The following HAUS5 variants were observed in gnomAD, a reference collection of about 807,000 sequenced individuals.
HAUS5 encodes the protein HAUS augmin-like complex subunit 5.
A neutral mutation model predicts 94.1 loss-of-function variants in HAUS5; 67 were observed. The ratio of observed to expected loss-of-function variants is 0.71; its 90% CI spans 0.58 to 0.87. HAUS5 has a LOEUF of 0.87. Among genes scored for constraint, HAUS5 ranks in the 40% least tolerant of loss-of-function variants. The pLI is 0.00. For missense variants in HAUS5, 739 were observed against 825.6 expected, an observed-to-expected ratio of 0.90 and a Z score of 1.29; for synonymous variants, 339 against 355.4, an observed-to-expected ratio of 0.95 and a Z score of 0.52.
In HAUS5 at chr19:35,612,778, G is replaced by C. The variant is rs1170038196; in HGVS notation, c.-17G>C. Reference sequence around the variant, plus strand: ...TGAAGAGGCTGAGGGAGGCGGTGTCGCCGCCGCGGCGCTGTCATGGAGCTA... The same window carrying C: ...TGAAGAGGCTGAGGGAGGCGGTGTCCCCGCCGCGGCGCTGTCATGGAGCTA... On this transcript the variant is annotated 5_prime_UTR_variant, in exon 1 of 19. Transcript: ENST00000203166. The C allele has an allele frequency of 3.3e-6, 5 of 1,537,144 alleles. No homozygotes were observed. The Admixed American group carries it at 6.1e-5, about 19-fold the overall frequency.
intron 15 of HAUS5, 90 bp from the exon 16 acceptor site, chr19:35,619,922 C>T (rs985489125): frequency 1.4e-5 from 21 of 1,544,736 alleles, no homozygotes; most frequent in Non-Finnish European, 1.7e-5. Flanking sequence ...AGTCCCCAGA[C>T]CCACCTTGAA....
Position 35,619,455 on chromosome 19 carries a change from TCAAGGGAAACTCGGCCAG to T in HAUS5, c.1216_1233del (p.Gly406_Lys411del). 3 of 1,606,962 alleles carry T rather than the reference TCAAGGGAAACTCGGCCAG, an allele frequency of 1.9e-6. No homozygotes were observed. The highest frequency in any genetic ancestry group is 2.6e-6 in the Non-Finnish European group (3 of 1,176,312). ...ACCCAGGAACAGGTCCGCCTGCTCA[TCAAGGGAAACTCGGCCAG>T]CAAGACCCGCCTGTGCCGGAGCCCG... On this transcript the variant is annotated inframe_deletion, in exon 14 of 19. Coordinates refer to ENST00000203166, the MANE Select transcript of HAUS5 (RefSeq NM_015302.2).
intron 13 of HAUS5, 83 bp downstream of exon 13, chr19:35,619,132 G>A (rs1380852469): frequency 1.5e-6 from 2 of 1,366,668 alleles, no homozygotes; most frequent in East Asian, 2.4e-5. Context: ...TGAGCCCTGT[G>A]TGGTAGCACA....
chr19:35,621,023 G>C (rs1163812401), intron 17 of HAUS5, among the ~76,000 whole-genome samples: 1 of 152,226 alleles, frequency 6.6e-6, no homozygotes, highest in African/African-American at 2.4e-5. Context: ...TGTCTACCAG[G>C]TGCCAGCCCA....
At chr19:35,621,154 G>A (rs993347360) in intron 17 of HAUS5, among the ~76,000 whole-genome samples, 4 of 152,114 alleles carry the variant, frequency 2.6e-5, no homozygotes, top group African/African-American at 9.7e-5. Flanking sequence ...GAAATGAACC[G>A]GCAGTGCCAG....
chr19:35,617,610 C>G (rs559230297), intron 8 of HAUS5, among the ~76,000 whole-genome samples: 2 of 152,098 alleles, frequency 1.3e-5, no homozygotes, highest in East Asian at 3.9e-4. Context: ...CCTTTCCCAG[C>G]TAAGAAGGCA....
intron 4 of HAUS5, 117 bp downstream of exon 4, chr19:35,614,176 T>C (rs2146334095): frequency 1.1e-6 from 1 of 904,872 alleles, no homozygotes. Context: ...AAGACAGCCT[T>C]GATCTCCATC....
chr19:35,620,466 A>G (rs1292011279), intron 17 of HAUS5, 139 bp downstream of exon 17: 1 of 735,604 alleles, frequency 1.4e-6, no homozygotes, highest in Non-Finnish European at 2.2e-6. Flanking sequence ...CCCTTGTTTC[A>G]TCTGCACGGC....
rs1599600816 is a variant in HAUS5, at chr19:35,623,028, CTG to C, written c.*37_*38del. On this transcript the variant is annotated 3_prime_UTR_variant, in exon 19 of 19. Coordinates refer to ENST00000203166, the MANE Select transcript of HAUS5 (RefSeq NM_015302.2). Reference sequence around the variant, plus strand: ...TCAAACGGAAGCCGAGAACTTGACACTGTTCACCCCAACACCTCACCTCCCCC... The same window carrying C: ...TCAAACGGAAGCCGAGAACTTGACACTTCACCCCAACACCTCACCTCCCCC... 1 of 1,359,754 alleles carries C rather than the reference CTG, an allele frequency of 7.4e-7. No individual in the cohort carries two copies. Among genetic ancestry groups the C allele is most frequent in the East Asian group, 2.3e-5 (1 of 43,572 alleles). The allele number at this position is 1,359,754 out of a possible 1,614,324, so 84.2% of individuals were successfully genotyped here. A position where few individuals can be genotyped will look rare whatever the true frequency, so the allele number is the denominator to read the frequency against.
In HAUS5 at chr19:35,617,296, C is replaced by T. The variant is rs774941764; in HGVS notation, c.565C>T (p.Arg189Ter). The change falls in exon 8 of 19, where the codon CGA becomes TGA. Residue 189 changes from arginine (R) to a stop codon, truncating the protein, a stop_gained. Transcript: ENST00000203166. LOFTEE classifies it high-confidence loss of function. ...CTCCTCTTCTCCCTAGCGTGATGTC[C>T]GAACAGCCTGCACCCTCCGGGCCCA... ...GLEPVVLRDV[R>*]TACTLRAQFL... 9.9e-6 allele frequency: 16 copies of T among 1,613,712 alleles called. No homozygotes were observed. The highest frequency in any genetic ancestry group is 3.3e-5 in the Admixed American group (2 of 60,008).
Position 35,615,086 on chromosome 19 carries a change from G to A in HAUS5, c.264G>A (p.Arg88=), listed in dbSNP as rs767605643. 52 of 1,606,688 alleles carry A rather than the reference G, an allele frequency of 3.2e-5. No individual in the cohort carries two copies. The highest frequency in any genetic ancestry group is 4.0e-5 in the Non-Finnish European group (47 of 1,176,588). ...LELEAAVTRL[R]AEIQELDQSL... ...TGGAAGCTGCTGTGACCCGCCTGCG[G>A]GCAGAAATCCAGGAACTCGACCAGA... is the stretch of plus-strand genomic sequence containing the variant. Residue 88 remains arginine (R), a synonymous_variant, in exon 5 of 19, where the codon CGG becomes CGA. Transcript: ENST00000203166.
chr19:35,612,936 G>C, intron 1 of HAUS5, 44 bp downstream of exon 1: 2 of 1,278,164 alleles, frequency 1.6e-6, no homozygotes, highest in Non-Finnish European at 2.1e-6. Flanking sequence ...CCTGGAGATT[G>C]AGTCTCCGGG....
intron 8 of HAUS5, 28 bp downstream of exon 8, chr19:35,617,397 T>C (rs368652044): frequency 5.0e-5 from 75 of 1,496,200 alleles, no homozygotes; most frequent in Admixed American, 1.4e-4. Flanking sequence ...CCAGAGACCC[T>C]GTAAAGACCC....
rs1297377008 is a variant in HAUS5, at chr19:35,615,331, C to T, written c.430C>T (p.Arg144Ter). The T allele has an allele frequency of 8.1e-6, 13 of 1,612,876 alleles. No homozygotes were observed. Among genetic ancestry groups the T allele is most frequent in the Admixed American group, 1.7e-5 (1 of 59,894 alleles). ...GAMRRQQHTL[R>*]DPMQRLQNQL... is the part of the protein sequence containing the mutation. Reference sequence around the variant, plus strand: ...CATGCGAAGACAGCAGCATACGCTCCGAGATCCCATGCAGCGGCTGCAGAA... The same window carrying T: ...CATGCGAAGACAGCAGCATACGCTCTGAGATCCCATGCAGCGGCTGCAGAA... The change falls in exon 6 of 19, where the codon CGA becomes TGA. Residue 144 changes from arginine (R) to a stop codon, truncating the protein, a stop_gained. Coordinates refer to ENST00000203166, the MANE Select transcript of HAUS5 (RefSeq NM_015302.2). LOFTEE classifies it high-confidence loss of function.
Position 35,620,086 on chromosome 19 carries a change from T to A in HAUS5, c.1481T>A (p.Ile494Lys), listed in dbSNP as rs781344532. 2.3e-5 allele frequency: 37 copies of A among 1,613,662 alleles called. No individual in the cohort carries two copies. The highest frequency in any genetic ancestry group is 3.1e-5 in the Non-Finnish European group (36 of 1,179,916). Residue 494 changes from isoleucine to lysine, a missense_variant, in exon 16 of 19, where the codon ATA (isoleucine) becomes AAA (lysine). Coordinates refer to ENST00000203166, the MANE Select transcript of HAUS5 (RefSeq NM_015302.2). ...HPASPRGSSF[I>K]ALSHKLGLPP... ...GCGTCCCCAAGGGGCTCCAGCTTCA[T>A]AGCGCTGAGCCACAAGCTGGGGCTG...
chr19:35,622,258 G>A (rs1330449005), intron 17 of HAUS5, among the ~76,000 whole-genome samples: 1 of 151,980 alleles, frequency 6.6e-6, no homozygotes, highest in Non-Finnish European at 1.5e-5. Flanking sequence ...GAGGCCTGGA[G>A]CAGAGGAGAG....
chr19:35,615,198 G>A, intron 5 of HAUS5, 29 bp from the exon 6 acceptor site: 3 of 1,612,762 alleles, frequency 1.9e-6, no homozygotes, highest in Non-Finnish European at 2.5e-6. Context: ...CGGGAAAGGT[G>A]CTGATGGCCA....
At chr19:35,614,594 AAAAT>A (rs780068114) in intron 4 of HAUS5, among the ~76,000 whole-genome samples, 12 of 152,168 alleles carry the variant, frequency 7.9e-5, no homozygotes, top group East Asian at 3.8e-4. Context: ...AAAAAAAGAA[AAAAT>A]AAATAAAGAG....
intron 15 of HAUS5, 97 bp from the exon 16 acceptor site, chr19:35,619,914 TC>T: frequency 1.3e-6 from 2 of 1,535,138 alleles, no homozygotes; most frequent in Non-Finnish European, 8.8e-7. Flanking sequence ...GGCATCCTAG[TC>T]CCCAGACCCA....
Sources: gnomAD v4.1 joint callset for allele counts (sites outside exome capture counted in the v4.1 genomes callset) on GRCh38, gnomAD v4.1.1 for gene constraint, MANE v1.5 for transcripts, NCBI Gene and HGNC (gene_info 2026-07-23, HGNC 2026-07-21) for gene names.